MET: variants seen among roughly 807,000 people sequenced by gnomAD.
The protein encoded by MET is hepatocyte growth factor receptor.
Under a neutral mutation model 133.1 loss-of-function variants are expected in MET, and 48 were observed. The observed-to-expected ratio is 0.36, with a 90% CI of 0.29 to 0.46. The LOEUF (loss-of-function observed/expected upper bound fraction) is 0.46. MET is among the 20% of genes least tolerant of loss of function. The pLI, the probability that MET is intolerant of heterozygous loss-of-function variation, is 1.00. For missense variants in MET, 1,442 were observed against 1,695.9 expected, an observed-to-expected ratio of 0.85 and a Z score of 2.63; for synonymous variants, 628 against 616.5, an observed-to-expected ratio of 1.02 and a Z score of -0.28.
intron 1 of MET, among the ~76,000 whole-genome samples, chr7:116,680,759 T>C (rs112248112): frequency 0.019 from 2,848 of 151,880 alleles, 74 homozygotes; most frequent in East Asian, 0.071. Context: ...CTGGGCAACA[T>C]AGCAAAACCC....
intron 2 of MET, among the ~76,000 whole-genome samples, chr7:116,723,962 T>C (rs1584904987): frequency 6.6e-6 from 1 of 152,208 alleles, no homozygotes; most frequent in Non-Finnish European, 1.5e-5. Flanking sequence ...CCCCGAGAGG[T>C]GGAGCCTACA....
intron 11 of MET, among the ~76,000 whole-genome samples, chr7:116,764,131 A>G (rs1425347698): frequency 6.6e-6 from 1 of 152,008 alleles, no homozygotes; most frequent in East Asian, 1.9e-4. Flanking sequence ...GGTCATCTCC[A>G]TCTAAGTAAT....
At chr7:116,755,028 G>GAA (rs1794119556) in intron 5 of MET, among the ~76,000 whole-genome samples, 1 of 151,260 alleles carries the variant, frequency 6.6e-6, no homozygotes, top group African/African-American at 2.4e-5. Context: ...AAGAAAGAAA[G>GAA]AAAGAAAGAA....
chr7:116,681,609 C>T (rs1796361907), intron 1 of MET, among the ~76,000 whole-genome samples: 1 of 152,186 alleles, frequency 6.6e-6, no homozygotes, highest in East Asian at 1.9e-4. Flanking sequence ...TATAAAGATT[C>T]AAGGAAAGCT....
At chr7:116,778,985 G>A (rs2117048887) in intron 17 of MET, 28 bp downstream of exon 17, 1 of 1,612,318 alleles carries the variant, frequency 6.2e-7, no homozygotes, top group Non-Finnish European at 8.5e-7. Context: ...CTTACTAACT[G>A]GCAAACTAGC....
rs777425331 is a variant in MET at position 116,758,445 on chromosome 7, T to C, written c.2103-14T>C. On this transcript the variant is annotated splice_polypyrimidine_tract_variant and intron_variant, in intron 8 of 20. Transcript: ENST00000397752. ...TAATAGCTAAAATTCACTTCCTTAA[T>C]TTTTTTTGTTCAGTGTGTCAAACAG... 1 of 1,603,944 alleles carries C rather than the reference T, an allele frequency of 6.2e-7. No individual in the cohort carries two copies. Among genetic ancestry groups the C allele is most frequent in the Non-Finnish European group, 8.5e-7 (1 of 1,171,662 alleles).
intron 1 of MET, among the ~76,000 whole-genome samples, chr7:116,689,526 C>G (rs1329947981): frequency 6.9e-6 from 1 of 145,698 alleles, no homozygotes; most frequent in Non-Finnish European, 1.5e-5. Context: ...TATATCTTTA[C>G]TTGCTAAATC....
intron 14 of MET, among the ~76,000 whole-genome samples, chr7:116,774,426 T>A (rs1794927556): frequency 6.6e-6 from 1 of 152,264 alleles, no homozygotes; most frequent in Non-Finnish European, 1.5e-5. Flanking sequence ...TATGTGTATT[T>A]TTCCCTTGGC....
intron 2 of MET, among the ~76,000 whole-genome samples, chr7:116,716,992 G>A (rs1290746165): frequency 6.6e-6 from 1 of 152,178 alleles, no homozygotes; most frequent in Non-Finnish European, 1.5e-5. Context: ...AGGACTTCCA[G>A]GCCATGACTA....
Position 116,672,447 on chromosome 7 carries a change from G to A in MET, c.-145G>A, listed in dbSNP as rs1796007334. 2.5e-6 allele frequency: 1 copy of A among 397,174 alleles called. No homozygotes were observed. Among genetic ancestry groups the A allele is most frequent in the African/African-American group, 2.1e-5 (1 of 48,554 alleles). The allele number at this position is 397,174 out of a possible 1,614,324, so 24.6% of individuals were successfully genotyped here. ...CGCCCCGAGCGCTTTGTGAGCAGAT[G>A]CGGAGCCGAGTGGAGGGCGCGAGCC... On this transcript the variant is annotated 5_prime_UTR_variant, in exon 1 of 21. An upstream start codon of the reference 5' UTR is lost. Transcript: ENST00000397752.
intron 16 of MET, 138 bp from the exon 17 acceptor site, chr7:116,778,638 A>G (rs913802173): frequency 4.0e-5 from 37 of 928,594 alleles, no homozygotes; most frequent in Non-Finnish European, 5.7e-5. Context: ...TGATGTAAAA[A>G]GAACACTCTG....
chr7:116,722,434 C>G (rs1792531129), intron 2 of MET, among the ~76,000 whole-genome samples: 1 of 150,822 alleles, frequency 6.6e-6, no homozygotes, highest in Non-Finnish European at 1.5e-5. Context: ...ACTCTTTATC[C>G]AATTTGCCAG....
At chr7:116,751,349 A>G (rs1213136041) in intron 5 of MET, among the ~76,000 whole-genome samples, 4 of 151,950 alleles carry the variant, frequency 2.6e-5, no homozygotes, top group East Asian at 1.9e-4. Flanking sequence ...GCATGTTCTC[A>G]CTCATAAGTG....
chr7:116,729,424 CATGTGG>C (rs1302943389), intron 2 of MET, among the ~76,000 whole-genome samples: 1 of 152,146 alleles, frequency 6.6e-6, no homozygotes, highest in Non-Finnish European at 1.5e-5. Context: ...CTCTGGATTG[CATGTGG>C]CAGACATTTG....
intron 1 of MET, among the ~76,000 whole-genome samples, chr7:116,677,957 G>A (rs1229130114): frequency 6.6e-6 from 1 of 151,770 alleles, no homozygotes; most frequent in African/African-American, 2.4e-5. Context: ...CTCCCCCTTT[G>A]GAATATTGTC....
chr7:116,779,045 G>A, intron 17 of MET, 88 bp downstream of exon 17: 1 of 1,313,418 alleles, frequency 7.6e-7, no homozygotes, highest in Non-Finnish European at 1.1e-6. Flanking sequence ...TCTTTAAAAA[G>A]CTAGTAGCCA....
rs534819031 is a variant in MET, at chr7:116,689,559, C to CTTTTTT, written c.-14-9490_-14-9485dup. On this transcript the variant is annotated intron_variant, in intron 1 of 20. Coordinates refer to ENST00000397752, the MANE Select transcript of MET (RefSeq NM_000245.4). ...ATCTCAGTTGGGATATGGGCTTACT[C>CTTTTTT]TTTTTTTTTTTTTTTTTTTTTTTTT... is the stretch of plus-strand genomic sequence containing the variant. Among the ~76,000 whole-genome samples the CTTTTTT allele has an allele frequency of 3.5e-3, 328 of 94,804 alleles. 24 individuals carry two copies. The highest frequency in any genetic ancestry group is 0.014 in the African/African-American group (308 of 22,486). The allele number at this position is 94,804 out of a possible 152,430, so 62.2% of individuals were successfully genotyped here.
chr7:116,785,842 A>G (rs986049671), intron 19 of MET, among the ~76,000 whole-genome samples: 4 of 152,256 alleles, frequency 2.6e-5, no homozygotes, highest in African/African-American at 2.4e-5. Context: ...TCATGCAATA[A>G]CACATATATG....
intron 5 of MET, among the ~76,000 whole-genome samples, chr7:116,746,084 G>GA (rs1793669296): frequency 6.6e-6 from 1 of 152,112 alleles, no homozygotes; most frequent in African/African-American, 2.4e-5. Flanking sequence ...CAATTTACAA[G>GA]AAAAATCTAA....
Sources: allele counts gnomAD v4.1 joint callset (sites outside exome capture counted in the v4.1 genomes callset), GRCh38; gene constraint gnomAD v4.1.1; transcripts MANE v1.5; gene names NCBI Gene and HGNC (gene_info 2026-07-23, HGNC 2026-07-21).